Variants in MLLT3 observed in about 807,000 individuals in gnomAD.
The protein encoded by MLLT3 is MLLT3 super elongation complex subunit.
In MLLT3, 4 loss-of-function variants were observed where a neutral mutation model predicts 53.2. The ratio of observed to expected loss-of-function variants is 0.08; its 90% CI spans 0.04 to 0.17. The LOEUF (loss-of-function observed/expected upper bound fraction) is 0.17, where lower values mean the gene tolerates loss of function less well. Among genes scored for constraint, MLLT3 ranks in the 10% least tolerant of loss-of-function variants. The pLI, the probability that MLLT3 is intolerant of heterozygous loss-of-function variation, is 1.00. For missense variants in MLLT3, 569 were observed against 684.0 expected (o/e 0.83, Z 1.87); for synonymous variants, 283 against 230.6 (o/e 1.23, Z -2.06).
rs539938064 is a variant in MLLT3, at chr9:20,451,909, G to A, written c.277-3643C>T. Among the ~76,000 whole-genome samples the A allele has an allele frequency of 3.3e-5, 5 of 152,258 alleles. No homozygotes were observed. In the South Asian group the frequency reaches 1.0e-3, roughly 32 times the overall value. On this transcript the variant is annotated intron_variant, in intron 3 of 10. Coordinates refer to ENST00000380338, the MANE Select transcript of MLLT3 (RefSeq NM_004529.4). ...ACACACAATTCTCACAAATAGGGTT[G>A]TTTTGTTGAGCACAAATACAAAATA... is the stretch of plus-strand genomic sequence containing the variant.
intron 4 of MLLT3, among the ~76,000 whole-genome samples, chr9:20,419,490 G>A (rs1295507067): frequency 6.7e-6 from 1 of 150,200 alleles, no homozygotes; most frequent in South Asian, 2.1e-4. Flanking sequence ...CTAAAGAGAG[G>A]GCTGAATTAC....
intron 5 of MLLT3, among the ~76,000 whole-genome samples, chr9:20,397,958 A>G (rs1822362944): frequency 6.6e-6 from 1 of 152,082 alleles, no homozygotes; most frequent in Non-Finnish European, 1.5e-5. Flanking sequence ...TAGGGGAACT[A>G]ACTTCATCTT....
intron 2 of MLLT3, among the ~76,000 whole-genome samples, chr9:20,587,788 G>C (rs1353661953): frequency 6.6e-6 from 1 of 151,912 alleles, no homozygotes; most frequent in African/African-American, 2.4e-5. Context: ...CCATTTTGTA[G>C]GTTGCCTGTT....
intron 8 of MLLT3, among the ~76,000 whole-genome samples, chr9:20,356,881 C>A (rs1821183533): frequency 1.3e-5 from 2 of 152,286 alleles, no homozygotes; most frequent in East Asian, 3.9e-4. Flanking sequence ...GTGGCAGGAA[C>A]AAAAGCTCCG....
At chr9:20,403,242 G>A (rs1458669864) in intron 5 of MLLT3, among the ~76,000 whole-genome samples, 2 of 152,130 alleles carry the variant, frequency 1.3e-5, no homozygotes, top group Non-Finnish European at 2.9e-5. Flanking sequence ...TAAAAACTCT[G>A]TGATTATCTA....
At chr9:20,357,706 A>T (rs1821203619) in intron 8 of MLLT3, among the ~76,000 whole-genome samples, 1 of 152,168 alleles carries the variant, frequency 6.6e-6, no homozygotes, top group Admixed American at 6.5e-5. Flanking sequence ...ATTTGACTCC[A>T]TTAGTACTTC....
At chr9:20,557,543 A>AT (rs1360068901) in intron 2 of MLLT3, among the ~76,000 whole-genome samples, 1 of 152,114 alleles carries the variant, frequency 6.6e-6, no homozygotes, top group South Asian at 2.1e-4. Context: ...CCTGGTCCAG[A>AT]TTTTTACTGT....
At chr9:20,615,357 T>C (rs1329855010) in intron 2 of MLLT3, among the ~76,000 whole-genome samples, 1 of 59,298 alleles carries the variant, frequency 1.7e-5, no homozygotes, top group Admixed American at 3.4e-4. Context: ...GGCCAGACCA[T>C]GTGAAAAAAA....
Position 20,620,853 on chromosome 9 carries a change from G to A in MLLT3, c.13-19C>T. 1.2e-6 allele frequency: 2 copies of A among 1,613,874 alleles called. No individual in the cohort carries two copies. Among genetic ancestry groups the A allele is most frequent in the Non-Finnish European group, 1.7e-6 (2 of 1,179,936 alleles). ...CGGCACACTGCGGGCAGGGGGAGGA[G>A]AGACAGCCGTGAATAACAGGAAGGC... On this transcript the variant is annotated intron_variant, in intron 1 of 10. Transcript: ENST00000380338. This position sits in a 1 kb window ranked among gnomAD's most constrained non-coding sequence, Gnocchi z 6.1.
At chr9:20,513,214 A>G (rs946871389) in intron 2 of MLLT3, among the ~76,000 whole-genome samples, 2 of 152,134 alleles carry the variant, frequency 1.3e-5, no homozygotes, top group African/African-American at 4.8e-5. Context: ...CTCACAGGAA[A>G]CTGGTTTATA....
At chr9:20,515,225 C>T (rs913116006) in intron 2 of MLLT3, among the ~76,000 whole-genome samples, 1 of 152,078 alleles carries the variant, frequency 6.6e-6, no homozygotes, top group African/African-American at 2.4e-5. Context: ...GGATTACAGG[C>T]GTGAGCCACT....
At chr9:20,351,872 T>C (rs1387251083) in intron 10 of MLLT3, among the ~76,000 whole-genome samples, 1 of 152,130 alleles carries the variant, frequency 6.6e-6, no homozygotes, top group Non-Finnish European at 1.5e-5. Context: ...ACATGCATCA[T>C]GGTATCATAA....
At chr9:20,531,029 T>C (rs1161267631) in intron 2 of MLLT3, among the ~76,000 whole-genome samples, 1 of 152,036 alleles carries the variant, frequency 6.6e-6, no homozygotes, top group African/African-American at 2.4e-5. Context: ...ATACTTCTAG[T>C]TTTTTTCCCA....
At chr9:20,384,974 G>A (rs1821998585) in intron 5 of MLLT3, among the ~76,000 whole-genome samples, 1 of 151,954 alleles carries the variant, frequency 6.6e-6, no homozygotes, top group Non-Finnish European at 1.5e-5. Context: ...CCTCTTCTTT[G>A]CCTTTTTAGA....
chr9:20,571,543 A>G (rs1490322580), intron 2 of MLLT3, among the ~76,000 whole-genome samples: 3 of 152,124 alleles, frequency 2.0e-5, no homozygotes, highest in Non-Finnish European at 4.4e-5. Flanking sequence ...TGCACCCATC[A>G]ACCCATCTTC....
chr9:20,601,320 T>C (rs1361008510), intron 2 of MLLT3, among the ~76,000 whole-genome samples: 3 of 152,214 alleles, frequency 2.0e-5, no homozygotes, highest in Non-Finnish European at 2.9e-5. Flanking sequence ...AAGTTTATTC[T>C]GCGTGTTTCT....
At chr9:20,384,369 A>G (rs1821978147) in intron 5 of MLLT3, among the ~76,000 whole-genome samples, 1 of 152,110 alleles carries the variant, frequency 6.6e-6, no homozygotes, top group African/African-American at 2.4e-5. Context: ...GTCATGTGGT[A>G]TATCATCAAT....
intron 2 of MLLT3, among the ~76,000 whole-genome samples, chr9:20,492,269 G>T (rs1298593275): frequency 6.6e-6 from 1 of 151,880 alleles, no homozygotes; most frequent in African/African-American, 2.4e-5. Flanking sequence ...CATACTAGTT[G>T]TAACTTAGAA....
chr9:20,459,400 C>T (rs1824052319), intron 2 of MLLT3, among the ~76,000 whole-genome samples: 1 of 152,208 alleles, frequency 6.6e-6, no homozygotes, highest in South Asian at 2.1e-4. Context: ...ACACTGGAGA[C>T]AAGTGAGAGA....
Sources: gnomAD v4.1 joint callset for allele counts (sites outside exome capture counted in the v4.1 genomes callset) on GRCh38, gnomAD v4.1.1 for gene constraint, Gnocchi (gnomAD v3.1) non-coding constraint, MANE v1.5 for transcripts, NCBI Gene and HGNC (gene_info 2026-07-23, HGNC 2026-07-21) for gene names.